The following SNTG2 variants were observed in gnomAD, a reference collection of about 807,000 sequenced individuals.
The protein encoded by SNTG2 is gamma-2-syntrophin.
SNTG2 carries 74 observed loss-of-function variants against 70.9 expected under a neutral mutation model. The ratio of observed to expected loss-of-function variants is 1.04; its 90% CI spans 0.86 to 1.27. SNTG2 has a LOEUF of 1.27. SNTG2 is among the 50% of genes most tolerant of loss of function. The pLI, the probability that SNTG2 is intolerant of heterozygous loss-of-function variation, is 0.00. For missense variants in SNTG2, 717 were observed against 690.7 expected (o/e 1.04, Z -0.43); for synonymous variants, 278 against 273.8 (o/e 1.02, Z -0.15).
chr2:1,124,252 G>A (rs1311986210), intron 4 of SNTG2, among the ~76,000 whole-genome samples: 4 of 151,656 alleles, frequency 2.6e-5, no homozygotes, highest in African/African-American at 9.7e-5. Context: ...ATTATAAATT[G>A]TCAATTACAA....
At chr2:1,237,813 T>C in intron 9 of SNTG2, 75 bp from the exon 10 acceptor site, 1 of 1,521,068 alleles carries the variant, frequency 6.6e-7, no homozygotes, top group Middle Eastern at 2.2e-4. Flanking sequence ...CTGCTGAGCA[T>C]CAGCCTCGAA....
chr2:1,313,665 C>T (rs1453776885), intron 15 of SNTG2, among the ~76,000 whole-genome samples: 1 of 152,108 alleles, frequency 6.6e-6, no homozygotes, highest in African/African-American at 2.4e-5. Flanking sequence ...CCACCACAGG[C>T]GATTTGGAAG....
intron 14 of SNTG2, among the ~76,000 whole-genome samples, chr2:1,296,819 C>T (rs9753377): frequency 0.45 from 68,101 of 152,076 alleles, 15,783 homozygotes; most frequent in East Asian, 0.64. Flanking sequence ...CTGATATTAA[C>T]GACAGTCTTG....
At chr2:1,141,324 C>T (rs972398964) in intron 6 of SNTG2, among the ~76,000 whole-genome samples, 10 of 152,200 alleles carry the variant, frequency 6.6e-5, no homozygotes, top group African/African-American at 2.4e-4. Context: ...GTTCTGGCTT[C>T]GGTGCCGGAA....
At chr2:953,528 T>G (rs1415867164) in intron 1 of SNTG2, among the ~76,000 whole-genome samples, 1 of 152,238 alleles carries the variant, frequency 6.6e-6, no homozygotes, top group Non-Finnish European at 1.5e-5. Context: ...CTGCATGAGA[T>G]GAATGAAGCA....
chr2:1,363,129 A>ACCC (rs11453480), intron 16 of SNTG2, among the ~76,000 whole-genome samples: 47,962 of 139,144 alleles, frequency 0.34, 9,611 homozygotes, highest in Middle Eastern at 0.4. Flanking sequence ...CACAAAATGG[A>ACCC]CCCCCCCCAT....
chr2:1,183,930 T>C (rs1001567687), intron 8 of SNTG2, among the ~76,000 whole-genome samples: 1 of 152,212 alleles, frequency 6.6e-6, no homozygotes, highest in Non-Finnish European at 1.5e-5. Flanking sequence ...TGGTAGTGTT[T>C]TAGAATATCT....
chr2:1,067,706 C>T (rs1456382662), intron 1 of SNTG2, among the ~76,000 whole-genome samples: 2 of 152,134 alleles, frequency 1.3e-5, no homozygotes, highest in Non-Finnish European at 2.9e-5. Flanking sequence ...AAAACTTGAG[C>T]ACTGGAACTA....
In SNTG2 at chr2:1,054,962, T is replaced by C. The variant is rs539813889; in HGVS notation, c.73-28556T>C. Among the ~76,000 whole-genome samples the C allele has an allele frequency of 3.3e-5, 5 of 152,292 alleles. No individual in the cohort carries two copies. In the East Asian group the frequency reaches 5.8e-4, roughly 18 times the overall value. ...TTTTGTTTTTGTTTTTGTTTTTTTT[T>C]CCCTATTGATTCCTTTGGTCTTTAT... On this transcript the variant is annotated intron_variant, in intron 1 of 16. Transcript: ENST00000308624.
chr2:990,278 G>T (rs947688241), intron 1 of SNTG2, among the ~76,000 whole-genome samples: 2 of 152,186 alleles, frequency 1.3e-5, no homozygotes, highest in African/African-American at 4.8e-5. Flanking sequence ...CTTTGCAGGT[G>T]CTAATCAGAG....
chr2:1,159,091 T>G (rs1572600334), intron 6 of SNTG2, among the ~76,000 whole-genome samples: 1 of 69,516 alleles, frequency 1.4e-5, no homozygotes, highest in South Asian at 3.9e-4. Flanking sequence ...TCCGTGTGTA[T>G]GTGCATGCGT....
intron 1 of SNTG2, among the ~76,000 whole-genome samples, chr2:1,022,622 C>G (rs997358954): frequency 6.6e-6 from 1 of 152,104 alleles, no homozygotes; most frequent in South Asian, 2.1e-4. Flanking sequence ...CCTGTATCCT[C>G]GAGTATTCCT....
intron 9 of SNTG2, among the ~76,000 whole-genome samples, chr2:1,222,170 T>C (rs1445934444): frequency 2.0e-5 from 3 of 152,182 alleles, no homozygotes; most frequent in Non-Finnish European, 4.4e-5. Context: ...TGTCTTTGTC[T>C]CTCTTTTTCT....
At chr2:965,952 C>T (rs1421382483) in intron 1 of SNTG2, among the ~76,000 whole-genome samples, 1 of 152,166 alleles carries the variant, frequency 6.6e-6, no homozygotes, top group Non-Finnish European at 1.5e-5. Flanking sequence ...CCAGCTCCTC[C>T]CGGCTGCTCC....
At chr2:1,332,122 A>G (rs1193112118) in intron 16 of SNTG2, among the ~76,000 whole-genome samples, 1 of 152,156 alleles carries the variant, frequency 6.6e-6, no homozygotes, top group Non-Finnish European at 1.5e-5. Flanking sequence ...TCCTTTCTAC[A>G]TTCATTTGGT....
intron 8 of SNTG2, among the ~76,000 whole-genome samples, chr2:1,203,359 G>A (rs888330836): frequency 3.9e-5 from 6 of 152,016 alleles, no homozygotes; most frequent in East Asian, 1.9e-4. Context: ...GAGATTAAGA[G>A]TGACAAATGT....
At chr2:972,145 C>A (rs549404170) in intron 1 of SNTG2, among the ~76,000 whole-genome samples, 1 of 152,242 alleles carries the variant, frequency 6.6e-6, no homozygotes, top group South Asian at 2.1e-4. Flanking sequence ...CTGTAGATAT[C>A]TATTAGGTTT....
At chr2:1,012,224 G>T (rs1348789007) in intron 1 of SNTG2, among the ~76,000 whole-genome samples, 3 of 152,186 alleles carry the variant, frequency 2.0e-5, no homozygotes, top group Non-Finnish European at 4.4e-5. Flanking sequence ...GTCATGTATG[G>T]GATGCCTACA....
intron 16 of SNTG2, among the ~76,000 whole-genome samples, chr2:1,332,293 G>A (rs537375856): frequency 6.6e-6 from 1 of 152,292 alleles, no homozygotes; most frequent in South Asian, 2.1e-4. Flanking sequence ...GATGTGTGTT[G>A]TAAAAGTGCA....
Sources: gnomAD v4.1 joint callset for allele counts (sites outside exome capture counted in the v4.1 genomes callset) on GRCh38, gnomAD v4.1.1 for gene constraint, MANE v1.5 for transcripts, NCBI Gene and HGNC (gene_info 2026-07-23, HGNC 2026-07-21) for gene names.